Variants in PRKCQ observed in about 807,000 individuals in gnomAD.
The protein encoded by PRKCQ is protein kinase C theta, also known as protein kinase C theta type.
PRKCQ carries 41 observed loss-of-function variants against 91.2 expected under a neutral mutation model. The observed-to-expected ratio is 0.45, with a 90% CI of 0.35 to 0.58. The LOEUF (loss-of-function observed/expected upper bound fraction) is 0.58. Ranked by LOEUF, PRKCQ falls within the 20% of genes least tolerant of loss-of-function variation. The probability of loss-of-function intolerance (pLI) is 0.00; values close to 1 mark genes in which losing one functional copy is unlikely to be tolerated. For missense variants in PRKCQ, 673 were observed against 896.5 expected, an observed-to-expected ratio of 0.75 and a Z score of 3.18; for synonymous variants, 307 against 316.9, an observed-to-expected ratio of 0.97 and a Z score of 0.33.
At chr10:6,412,109 G>T in the PRKCQ span, among the ~76,000 whole-genome samples, 3 of 152,200 alleles carry the variant, frequency 2.0e-5, no homozygotes, top group Non-Finnish European at 4.4e-5. Flanking sequence ...CCAAGTTGGA[G>T]AGTAATGGTG....
rs373112458 is a variant in PRKCQ, at chr10:6,479,758, C to T, written c.1180-593G>A. Among the ~76,000 whole-genome samples, 628 of 135,294 alleles carry T rather than the reference C, an allele frequency of 4.6e-3. 4 individuals carry two copies. Among genetic ancestry groups the T allele is most frequent in the African/African-American group, 0.017 (592 of 35,536 alleles). The allele number at this position is 135,294 out of a possible 152,430, so 88.8% of individuals were successfully genotyped here. Reference sequence around the variant, plus strand: ...CAGCCTGGCCAACATGGTGAAACCCCGTCTCGACTAAAAAAAAAAAAAAAA... The same window carrying T: ...CAGCCTGGCCAACATGGTGAAACCCTGTCTCGACTAAAAAAAAAAAAAAAA... On this transcript the variant is annotated intron_variant, in intron 11 of 17. Transcript: ENST00000263125.
At chr10:6,550,722 G>A (rs1044584097) in intron 1 of PRKCQ, among the ~76,000 whole-genome samples, 2 of 152,188 alleles carry the variant, frequency 1.3e-5, no homozygotes, top group African/African-American at 4.8e-5. Context: ...CAATTCCTTT[G>A]AATATATACT....
In PRKCQ at chr10:6,461,714, T is replaced by C. The variant is rs190045125; in HGVS notation, c.1508+589A>G. On this transcript the variant is annotated intron_variant, in intron 14 of 17. Coordinates refer to ENST00000263125, the MANE Select transcript of PRKCQ (RefSeq NM_006257.5). ...CAGCTCAGCCATCCTCCTCACTAGA[T>C]CCTTTCTTTTTTTTCCTTTCTATTT... 2.0e-5 allele frequency among the ~76,000 whole-genome samples: 3 copies of C among 152,368 alleles called. No individual in the cohort carries two copies. The East Asian group carries it at 5.8e-4, about 29-fold the overall frequency.
the PRKCQ span, among the ~76,000 whole-genome samples, chr10:6,405,534 T>C: frequency 2.0e-5 from 3 of 152,220 alleles, no homozygotes; most frequent in Non-Finnish European, 2.9e-5. Context: ...GCATTTTCAC[T>C]GGGGAACTCC....
chr10:6,457,687 C>T (rs1835085044), intron 14 of PRKCQ, among the ~76,000 whole-genome samples: 1 of 152,180 alleles, frequency 6.6e-6, no homozygotes, highest in East Asian at 1.9e-4. Flanking sequence ...TCCAGAGAGA[C>T]AATCTGATTG....
At chr10:6,535,574 G>A (rs761085749) in intron 1 of PRKCQ, among the ~76,000 whole-genome samples, 3 of 152,052 alleles carry the variant, frequency 2.0e-5, no homozygotes, top group Non-Finnish European at 1.5e-5. Context: ...GGGAGGTTAC[G>A]AAGGAAGTAG....
intron 1 of PRKCQ, among the ~76,000 whole-genome samples, chr10:6,560,748 A>C (rs1840596543): frequency 6.6e-6 from 1 of 152,210 alleles, no homozygotes; most frequent in Admixed American, 6.5e-5. Context: ...TTTAAAAATT[A>C]TTCTTTTGAG....
At chr10:6,544,841 C>T (rs1301844293) in intron 1 of PRKCQ, among the ~76,000 whole-genome samples, 3 of 152,070 alleles carry the variant, frequency 2.0e-5, no homozygotes, top group South Asian at 2.1e-4. Flanking sequence ...AGGCTGCTCT[C>T]GAACTCCTGA....
chr10:6,481,963 T>A (rs1263018019), intron 11 of PRKCQ, among the ~76,000 whole-genome samples: 2 of 151,942 alleles, frequency 1.3e-5, no homozygotes, highest in African/African-American at 4.8e-5. Flanking sequence ...TATAATTTCT[T>A]AAATTATCTC....
At chr10:6,496,817 G>A (rs1386903402) in intron 7 of PRKCQ, among the ~76,000 whole-genome samples, 1 of 152,122 alleles carries the variant, frequency 6.6e-6, no homozygotes, top group African/African-American at 2.4e-5. Flanking sequence ...TGGGATTACA[G>A]GCTTATGCCA....
intron 15 of PRKCQ, among the ~76,000 whole-genome samples, chr10:6,453,798 A>G (rs918107581): frequency 2.6e-5 from 4 of 152,052 alleles, no homozygotes; most frequent in Admixed American, 6.6e-5. Context: ...GGAAATCATC[A>G]TTCTCAGTAA....
Position 6,497,215 on chromosome 10 carries a change from C to T in PRKCQ, c.574+5G>A. 1 of 1,614,164 alleles carries T rather than the reference C, an allele frequency of 6.2e-7. No individual in the cohort carries two copies. The highest frequency in any genetic ancestry group is 8.5e-7 in the Non-Finnish European group (1 of 1,180,004). ...TGGTAATGCAACCAAAACCCTCTTA[C>T]TTACGTCGGCACTGGTAGCCCTGTT... On this transcript the variant is annotated splice_donor_5th_base_variant and intron_variant, in intron 6 of 17. Coordinates refer to ENST00000263125, the MANE Select transcript of PRKCQ (RefSeq NM_006257.5). The surrounding 1 kb of genome is among the most constrained non-coding windows in gnomAD (Gnocchi z 4.5).
chr10:6,507,608 T>G, intron 3 of PRKCQ, 112 bp from the exon 4 acceptor site: 1 of 913,808 alleles, frequency 1.1e-6, no homozygotes, highest in Non-Finnish European at 1.8e-6. Flanking sequence ...AATACAATCA[T>G]TGTTACTCTC....
At chr10:6,466,843 C>T (rs1433056472) in intron 12 of PRKCQ, among the ~76,000 whole-genome samples, 2 of 152,062 alleles carry the variant, frequency 1.3e-5, no homozygotes, top group African/African-American at 4.8e-5. Context: ...TAGATAGAAA[C>T]AAACCAAGAA....
chr10:6,450,770 A>T (rs1834624039), intron 15 of PRKCQ, among the ~76,000 whole-genome samples: 1 of 152,072 alleles, frequency 6.6e-6, no homozygotes, highest in Non-Finnish European at 1.5e-5. Flanking sequence ...GGATTAAGAA[A>T]CTCACTCAAA....
At chr10:6,520,559 G>A (rs543335493) in intron 1 of PRKCQ, among the ~76,000 whole-genome samples, 4 of 152,194 alleles carry the variant, frequency 2.6e-5, no homozygotes, top group South Asian at 2.1e-4. Context: ...TCCCTGGAAC[G>A]CCTCCCTGTT....
intron 1 of PRKCQ, among the ~76,000 whole-genome samples, chr10:6,534,097 T>TA (rs35136116): frequency 0.91 from 138,744 of 152,178 alleles, 63,837 homozygotes; most frequent in East Asian, 1. Context: ...TTTAATTATT[T>TA]AATATCATTA....
intron 1 of PRKCQ, among the ~76,000 whole-genome samples, chr10:6,553,503 A>AT (rs1840278308): frequency 1.4e-5 from 2 of 147,776 alleles, no homozygotes; most frequent in South Asian, 2.1e-4. Context: ...AAAAAAAAAA[A>AT]AAAAAAAAAA....
chr10:6,421,789 A>G, the PRKCQ span, among the ~76,000 whole-genome samples: 1 of 152,370 alleles, frequency 6.6e-6, no homozygotes, highest in African/African-American at 2.4e-5. The surrounding 1 kb of genome is among the most constrained non-coding windows in gnomAD (Gnocchi z 4.1). Context: ...TGATAGTTCC[A>G]GTAGAGAAAG....
Sources: allele counts gnomAD v4.1 joint callset (sites outside exome capture counted in the v4.1 genomes callset), GRCh38; gene constraint gnomAD v4.1.1; non-coding constraint Gnocchi (gnomAD v3.1); transcripts MANE v1.5; gene names NCBI Gene and HGNC (gene_info 2026-07-23, HGNC 2026-07-21).